Variants in ARHGAP26 observed in about 807,000 individuals in gnomAD.
ARHGAP26 encodes rho GTPase-activating protein 26.
A neutral mutation model predicts 104.8 loss-of-function variants in ARHGAP26; 38 were observed. The ratio of observed to expected loss-of-function variants is 0.36; its 90% CI spans 0.28 to 0.48. ARHGAP26 has a LOEUF of 0.48. Ranked by LOEUF, ARHGAP26 falls within the 20% of genes least tolerant of loss-of-function variation. The pLI is 0.99. For missense variants in ARHGAP26, 704 were observed against 947.9 expected, an observed-to-expected ratio of 0.74 and a Z score of 3.38; for synonymous variants, 341 against 340.0, an observed-to-expected ratio of 1.00 and a Z score of -0.03.
chr5:143,156,445 C>T (rs1800471001), intron 20 of ARHGAP26, among the ~76,000 whole-genome samples: 1 of 152,152 alleles, frequency 6.6e-6, no homozygotes, highest in Non-Finnish European at 1.5e-5. Flanking sequence ...GAGTGTGGTC[C>T]TGGGACCAGC....
At chr5:142,870,036 G>A (rs2152343735) in intron 1 of ARHGAP26, among the ~76,000 whole-genome samples, 1 of 152,256 alleles carries the variant, frequency 6.6e-6, no homozygotes, top group East Asian at 1.9e-4. Context: ...CCTCCACTCT[G>A]GCCAGCATTC....
chr5:142,806,392 C>T (rs954769297), intron 1 of ARHGAP26, among the ~76,000 whole-genome samples: 1 of 152,080 alleles, frequency 6.6e-6, no homozygotes, highest in African/African-American at 2.4e-5. Context: ...ATTGTGCTGG[C>T]CATGACAACT....
At chr5:142,957,260 A>G (rs1769413722) in intron 11 of ARHGAP26, among the ~76,000 whole-genome samples, 1 of 152,256 alleles carries the variant, frequency 6.6e-6, no homozygotes, top group South Asian at 2.1e-4. Flanking sequence ...CTTAAAGGCT[A>G]TCTTACAGCA....
intron 17 of ARHGAP26, among the ~76,000 whole-genome samples, chr5:143,109,726 C>T (rs1461031411): frequency 7.9e-5 from 12 of 152,196 alleles, no homozygotes; most frequent in South Asian, 4.2e-4. Context: ...AGGTGCAAGC[C>T]GCCACACCCG....
At chr5:143,068,571 C>G (rs1456917614) in intron 17 of ARHGAP26, among the ~76,000 whole-genome samples, 1 of 152,224 alleles carries the variant, frequency 6.6e-6, no homozygotes, top group Non-Finnish European at 1.5e-5. Context: ...CTCCCTCTTT[C>G]TTCTACGCCA....
At chr5:142,923,456 G>T (rs1251836255) in intron 10 of ARHGAP26, among the ~76,000 whole-genome samples, 2 of 152,130 alleles carry the variant, frequency 1.3e-5, no homozygotes, top group Non-Finnish European at 2.9e-5. Flanking sequence ...TATTTTCATA[G>T]TTTGTTATCA....
chr5:142,993,158 GTTTTTTTTT>G, intron 11 of ARHGAP26, among the ~76,000 whole-genome samples: 1 of 102,642 alleles, frequency 9.7e-6, no homozygotes, highest in African/African-American at 3.9e-5. Flanking sequence ...TTTTTGTGTG[GTTTTTTTTT>G]TTTTTTTTTT....
chr5:143,182,579 T>A (rs1804538888), intron 20 of ARHGAP26, among the ~76,000 whole-genome samples: 1 of 152,214 alleles, frequency 6.6e-6, no homozygotes, highest in Non-Finnish European at 1.5e-5. Context: ...AGCTATGAAC[T>A]CCTTTACCCA....
intron 21 of ARHGAP26, among the ~76,000 whole-genome samples, chr5:143,212,533 G>A (rs1809636301): frequency 6.6e-6 from 1 of 152,096 alleles, no homozygotes; most frequent in South Asian, 2.1e-4. Context: ...TGTTGGAGCT[G>A]GTGAATACTA....
chr5:142,941,640 A>G (rs974028388), intron 11 of ARHGAP26, among the ~76,000 whole-genome samples: 2 of 152,232 alleles, frequency 1.3e-5, no homozygotes, highest in African/African-American at 4.8e-5. Flanking sequence ...AATGCACTGA[A>G]GTCTTACATT....
chr5:142,931,402 T>A (rs2152532708), intron 10 of ARHGAP26, among the ~76,000 whole-genome samples: 1 of 152,306 alleles, frequency 6.6e-6, no homozygotes, highest in East Asian at 1.9e-4. Flanking sequence ...TCTGGAGGGC[T>A]TGTGCTCAGT....
chr5:142,894,794 C>T (rs1317125536), intron 6 of ARHGAP26, among the ~76,000 whole-genome samples: 1 of 152,184 alleles, frequency 6.6e-6, no homozygotes, highest in Non-Finnish European at 1.5e-5. Context: ...TTCAAAGCCC[C>T]TTCTCACCCC....
At chr5:143,105,729 T>C (rs1793919203) in intron 17 of ARHGAP26, among the ~76,000 whole-genome samples, 1 of 152,222 alleles carries the variant, frequency 6.6e-6, no homozygotes, top group Admixed American at 6.5e-5. Flanking sequence ...ATTCTGCTGA[T>C]CACCAAGGTT....
intron 1 of ARHGAP26, among the ~76,000 whole-genome samples, chr5:142,779,501 G>A (rs1252527675): frequency 6.6e-6 from 1 of 152,098 alleles, no homozygotes; most frequent in Non-Finnish European, 1.5e-5. Context: ...ACACCAAACT[G>A]TTAACTAGCT....
intron 20 of ARHGAP26, among the ~76,000 whole-genome samples, chr5:143,163,209 C>T (rs184913881): frequency 6.6e-5 from 10 of 152,216 alleles, no homozygotes; most frequent in African/African-American, 1.9e-4. Context: ...ATCAGATCTA[C>T]GTATGTGGGG....
intron 10 of ARHGAP26, among the ~76,000 whole-genome samples, chr5:142,915,150 G>GCCAGCACTTCCTAGCACCTTC (rs1762312806): frequency 1.3e-5 from 2 of 152,002 alleles, no homozygotes; most frequent in Non-Finnish European, 2.9e-5. Flanking sequence ...TTCCACCCTT[G>GCCAGCACTTCCTAGCACCTTC]CCAGCACTTC....
chr5:143,217,726 G>A (rs1810551184), intron 22 of ARHGAP26, among the ~76,000 whole-genome samples: 3 of 152,176 alleles, frequency 2.0e-5, no homozygotes, highest in Non-Finnish European at 2.9e-5. Context: ...AGCCATCTTC[G>A]CTGCCACGCC....
At chr5:142,873,019 C>T (rs1382953532) in intron 1 of ARHGAP26, among the ~76,000 whole-genome samples, 4 of 152,190 alleles carry the variant, frequency 2.6e-5, no homozygotes, top group African/African-American at 9.7e-5. Flanking sequence ...ACTGCACTGA[C>T]TGTGTGGAGG....
intron 1 of ARHGAP26, among the ~76,000 whole-genome samples, chr5:142,784,132 T>A (rs1057023382): frequency 1.4e-4 from 22 of 152,238 alleles, no homozygotes; most frequent in African/African-American, 4.8e-4. Context: ...GTCAGCAGAC[T>A]ACCATGCTGC....
Sources: gnomAD v4.1 joint callset for allele counts (sites outside exome capture counted in the v4.1 genomes callset) on GRCh38, gnomAD v4.1.1 for gene constraint, MANE v1.5 for transcripts, NCBI Gene and HGNC (gene_info 2026-07-23, HGNC 2026-07-21) for gene names.